The following NDUFV3 variants were observed in gnomAD, a reference collection of about 807,000 sequenced individuals.
NDUFV3 encodes NADH dehydrogenase [ubiquinone] flavoprotein 3, mitochondrial.
In NDUFV3, 44 loss-of-function variants were observed where a neutral mutation model predicts 37.5. That is an observed-to-expected ratio of 1.17 (90% CI 0.92 to 1.51). NDUFV3 has a LOEUF of 1.51. Among genes scored for constraint, NDUFV3 ranks in the 40% most tolerant of loss-of-function variants. The pLI, the probability that NDUFV3 is intolerant of heterozygous loss-of-function variation, is 0.00. For synonymous variants in NDUFV3, 235 were observed against 239.3 expected (o/e 0.98, Z 0.17); for missense variants, 580 against 580.4 (o/e 1.00, Z 0.01).
At chr21:42,900,471 G>T (rs140915088) in intron 2 of NDUFV3, among the ~76,000 whole-genome samples, 2 of 152,320 alleles carry the variant, frequency 1.3e-5, no homozygotes, top group African/African-American at 4.8e-5. Flanking sequence ...CCATTGCACT[G>T]CTTCTTGGGT....
At chr21:42,906,396 G>A (rs779325013) in intron 3 of NDUFV3, among the ~76,000 whole-genome samples, 4 of 152,004 alleles carry the variant, frequency 2.6e-5, no homozygotes, top group Non-Finnish European at 2.9e-5. Context: ...TTCTTGGTTC[G>A]TTGTGCGACA....
At chr21:42,897,530 C>A (rs536774525) in intron 2 of NDUFV3, among the ~76,000 whole-genome samples, 1 of 152,122 alleles carries the variant, frequency 6.6e-6, no homozygotes, top group South Asian at 2.1e-4. Flanking sequence ...TGTGCCACCA[C>A]GTCTGGCTAA....
chr21:42,909,230 C>G lies in NDUFV3; in HGVS notation c.*209C>G. 1 of 500,096 alleles carries G rather than the reference C, an allele frequency of 2.0e-6. No homozygotes were observed. The highest frequency in any genetic ancestry group is 3.1e-5 in the Admixed American group (1 of 32,184). The allele number at this position is 500,096 out of a possible 1,614,324, so 31.0% of individuals were successfully genotyped here. On this transcript the variant is annotated 3_prime_UTR_variant, in exon 4 of 4. Coordinates refer to ENST00000354250, the MANE Select transcript of NDUFV3 (RefSeq NM_021075.4). Reference sequence around the variant, plus strand: ...ATTCTCGGCTCACTGCAACTTCCGCCTCCTGGGTTCAAGTGATTCTCCCAC... The same window carrying G: ...ATTCTCGGCTCACTGCAACTTCCGCGTCCTGGGTTCAAGTGATTCTCCCAC...
Position 42,895,984 on chromosome 21 carries a change from C to CTTT in NDUFV3, c.49-929_49-927dup, listed in dbSNP as rs534775972. ...CAATCCCAGCACTTTGGTTGTTTTT[C>CTTT]TTTTTTTTTTTTTTTTCCTGAGACA... On this transcript the variant is annotated intron_variant, in intron 1 of 3. Coordinates refer to ENST00000354250, the MANE Select transcript of NDUFV3 (RefSeq NM_021075.4). Among the ~76,000 whole-genome samples the CTTT allele has an allele frequency of 1.9e-4, 25 of 130,346 alleles. 4 individuals carry two copies. Among genetic ancestry groups the CTTT allele is most frequent in the South Asian group, 4.8e-4 (2 of 4,136 alleles). The allele number at this position is 130,346 out of a possible 152,430, so 85.5% of individuals were successfully genotyped here. A position where few individuals can be genotyped will look rare whatever the true frequency, so the allele number is the denominator to read the frequency against.
intron 2 of NDUFV3, among the ~76,000 whole-genome samples, chr21:42,899,022 G>A (rs1008027560): frequency 6.6e-6 from 1 of 152,188 alleles, no homozygotes; most frequent in South Asian, 2.1e-4. Flanking sequence ...GTTGTGGTTT[G>A]GGGAGGGGAA....
At chr21:42,908,485 T>G (rs1176333899) in intron 3 of NDUFV3, among the ~76,000 whole-genome samples, 1 of 152,180 alleles carries the variant, frequency 6.6e-6, no homozygotes, top group African/African-American at 2.4e-5. Context: ...GCTTGGTAGG[T>G]AAGCACCTGT....
In NDUFV3 at chr21:42,896,520, C is replaced by T. The variant is rs567303205; in HGVS notation, c.49-407C>T. On this transcript the variant is annotated intron_variant, in intron 1 of 3. Transcript: ENST00000354250. ...TCAGAACTCCTGACCTCAAGTGATC[C>T]GCCCACCTCAGCCTCCCAAAGTGCT... is the stretch of plus-strand genomic sequence containing the variant. Among the ~76,000 whole-genome samples, 598 of 151,948 alleles carry T rather than the reference C, an allele frequency of 3.9e-3. 11 individuals carry two copies. Among genetic ancestry groups the T allele is most frequent in the Admixed American group, 0.013 (200 of 15,236 alleles).
Position 42,909,222 on chromosome 21 carries a change from A to G in NDUFV3, c.*201A>G. ...AGTGGCACATTCTCGGCTCACTGCA[A>G]CTTCCGCCTCCTGGGTTCAAGTGAT... On this transcript the variant is annotated 3_prime_UTR_variant, in exon 4 of 4. Transcript: ENST00000354250. 1 of 521,620 alleles carries G rather than the reference A, an allele frequency of 1.9e-6. No individual in the cohort carries two copies. Among genetic ancestry groups the G allele is most frequent in the Admixed American group, 3.1e-5 (1 of 32,422 alleles). 32.3% of individuals were successfully genotyped at this position (521,620 alleles called of 1,614,324 possible). A position where few individuals can be genotyped will look rare whatever the true frequency, so the allele number is the denominator to read the frequency against.
chr21:42,908,444 T>G (rs1461656314), intron 3 of NDUFV3, among the ~76,000 whole-genome samples: 1 of 152,244 alleles, frequency 6.6e-6, no homozygotes, highest in Non-Finnish European at 1.5e-5. Context: ...ATTAGACAAT[T>G]TGTTCCTCAC....
At chr21:42,903,029 T>G (rs1358356469) in intron 2 of NDUFV3, among the ~76,000 whole-genome samples, 153 bp from the exon 3 acceptor site, 1 of 152,232 alleles carries the variant, frequency 6.6e-6, no homozygotes, top group Non-Finnish European at 1.5e-5. Flanking sequence ...CCATCCTCAG[T>G]TGGTTGCTTG....
At chr21:42,898,395 A>G (rs1601216395) in intron 2 of NDUFV3, among the ~76,000 whole-genome samples, 3 of 151,508 alleles carry the variant, frequency 2.0e-5, no homozygotes, top group African/African-American at 7.3e-5. Context: ...CAATCCTCCC[A>G]CCTCAGCCTC....
rs781547561 is a variant in NDUFV3 at position 42,903,289 on chromosome 21, G to A, written c.277G>A (p.Gly93Ser). 20 of 1,614,152 alleles carry A rather than the reference G, an allele frequency of 1.2e-5. 1 individual carries two copies. The Middle Eastern group carries it at 1.3e-3, about 107-fold the overall frequency. The change falls in exon 3 of 4, where the codon GGC becomes AGC. Residue 93 changes from glycine (G) to serine (S), a missense_variant. Gly to Ser is a moderately conservative substitution (Grantham distance 56). Coordinates refer to ENST00000354250, the MANE Select transcript of NDUFV3 (RefSeq NM_021075.4). ...PSSYPPAVNK[G>S]RKVASPSPSG... ...TTCTTACCCGCCAGCTGTGAATAAG[G>A]GCAGGAAGGTAGCTAGTCCCAGTCC... is the stretch of plus-strand genomic sequence containing the variant.
At position 42,897,961 on chromosome 21, in the gene NDUFV3, C is replaced by A. The variant is rs373640428; in HGVS notation, c.169+914C>A. On this transcript the variant is annotated intron_variant, in intron 2 of 3. Transcript: ENST00000354250. ...AGAGTGCTGGAATTACAGGCGTGAG[C>A]CACCGTGCCCAGTCCTAAATCTTTA... Among the ~76,000 whole-genome samples, 15 of 152,366 alleles carry A rather than the reference C, an allele frequency of 9.8e-5. No individual in the cohort carries two copies. The East Asian group carries it at 2.9e-3, about 29-fold the overall frequency.
intron 1 of NDUFV3, among the ~76,000 whole-genome samples, chr21:42,894,371 T>TATA (rs59005349): frequency 4.4e-5 from 1 of 22,952 alleles, no homozygotes; most frequent in African/African-American, 1.1e-3. Flanking sequence ...TATATATATA[T>TATA]TTATATAATA....
At chr21:42,896,731 A>G (rs2058693096) in intron 1 of NDUFV3, among the ~76,000 whole-genome samples, 196 bp from the exon 2 acceptor site, 1 of 152,138 alleles carries the variant, frequency 6.6e-6, no homozygotes, top group Non-Finnish European at 1.5e-5. Flanking sequence ...ATGTGCCTGT[A>G]GTCCTGGCTA....
At chr21:42,902,069 G>A (rs2058719795) in intron 2 of NDUFV3, among the ~76,000 whole-genome samples, 1 of 152,136 alleles carries the variant, frequency 6.6e-6, no homozygotes, top group African/African-American at 2.4e-5. Context: ...TTAGCTGGGT[G>A]TGGTGGCGCA....
intron 1 of NDUFV3, among the ~76,000 whole-genome samples, chr21:42,893,602 C>T (rs1488346553): frequency 1.3e-5 from 2 of 152,190 alleles, no homozygotes; most frequent in African/African-American, 4.8e-5. Context: ...GGTCCGCCGC[C>T]GCCGCTGCCC....
At chr21:42,905,863 ATTT>A (rs10583572) in intron 3 of NDUFV3, among the ~76,000 whole-genome samples, 170 of 132,904 alleles carry the variant, frequency 1.3e-3, no homozygotes, top group African/African-American at 1.4e-3. Flanking sequence ...TGATGTTACC[ATTT>A]TTTTTTTTTT....
chr21:42,897,595 A>C (rs557494347), intron 2 of NDUFV3, among the ~76,000 whole-genome samples: 7 of 152,026 alleles, frequency 4.6e-5, no homozygotes, highest in Non-Finnish European at 8.8e-5. Context: ...GGATGGTCTC[A>C]ATCTCCTGAC....
Sources: gnomAD v4.1 joint callset for allele counts (sites outside exome capture counted in the v4.1 genomes callset) on GRCh38, gnomAD v4.1.1 for gene constraint, MANE v1.5 for transcripts, NCBI Gene and HGNC (gene_info 2026-07-23, HGNC 2026-07-21) for gene names.